Variants in GRAMD1C observed in about 807,000 individuals in gnomAD.
The protein encoded by GRAMD1C is GRAM domain containing 1C, also known as protein Aster-C.
GRAMD1C carries 89 observed loss-of-function variants against 97.8 expected under a neutral mutation model. The observed-to-expected ratio is 0.91, with a 90% CI of 0.77 to 1.09. The LOEUF (loss-of-function observed/expected upper bound fraction) is 1.09. Among genes scored for constraint, GRAMD1C ranks in the 50% least tolerant of loss-of-function variants. The pLI is 0.00. For missense variants in GRAMD1C, 740 were observed against 766.4 expected (o/e 0.97, Z 0.41); for synonymous variants, 256 against 267.0 (o/e 0.96, Z 0.40).
At chr3:113,855,491 G>T (rs1465540040) in intron 2 of GRAMD1C, among the ~76,000 whole-genome samples, 1 of 152,044 alleles carries the variant, frequency 6.6e-6, no homozygotes. Flanking sequence ...ATCCCTTGAG[G>T]CCAGGAGTTC....
rs140718475 is a variant in GRAMD1C, at chr3:113,933,741, C to T, written c.1352+88C>T. On this transcript the variant is annotated intron_variant, in intron 12 of 17. Transcript: ENST00000358160. Reference sequence around the variant, plus strand: ...CTGAATTCTTAGTAGTAGCTTTACACAACAGTTTTATTTCTTGCTTAAATT... The same window carrying T: ...CTGAATTCTTAGTAGTAGCTTTACATAACAGTTTTATTTCTTGCTTAAATT... 8.5e-4 allele frequency: 765 copies of T among 901,120 alleles called. 3 individuals carry two copies. The African/African-American group carries it at 0.011, about 14-fold the overall frequency. The allele number at this position is 901,120 out of a possible 1,614,324, so 55.8% of individuals were successfully genotyped here. A position where few individuals can be genotyped will look rare whatever the true frequency, so the allele number is the denominator to read the frequency against.
At chr3:113,924,717 G>T (rs1326273208) in intron 10 of GRAMD1C, among the ~76,000 whole-genome samples, 1 of 152,182 alleles carries the variant, frequency 6.6e-6, no homozygotes, top group African/African-American at 2.4e-5. Flanking sequence ...GTATGTGCCA[G>T]GTGCAAATGA....
chr3:113,863,793 C>G (rs949463593), intron 2 of GRAMD1C, among the ~76,000 whole-genome samples: 1 of 152,160 alleles, frequency 6.6e-6, no homozygotes, highest in African/African-American at 2.4e-5. Context: ...GCACTCTCCT[C>G]AGTGTTCTAC....
intron 2 of GRAMD1C, among the ~76,000 whole-genome samples, chr3:113,867,152 T>C (rs1559785173): frequency 6.6e-6 from 1 of 152,154 alleles, no homozygotes; most frequent in African/African-American, 2.4e-5. Context: ...TTTAAAGATA[T>C]TAAGAGAGAA....
At chr3:113,829,053 A>T (rs534325420) in intron 1 of GRAMD1C, among the ~76,000 whole-genome samples, 1 of 152,254 alleles carries the variant, frequency 6.6e-6, no homozygotes, top group African/African-American at 2.4e-5. Context: ...CTCCAGGGGC[A>T]ATCATTATTG....
chr3:113,915,786 C>T lies in GRAMD1C; in HGVS notation c.1038C>T (p.Leu346=), dbSNP rs749953251. 6.2e-6 allele frequency: 10 copies of T among 1,610,382 alleles called. No homozygotes were observed. The African/African-American group carries it at 1.2e-4, about 19-fold the overall frequency. The change falls in exon 10 of 18, where the codon CTC becomes CTT. Residue 346 remains leucine, a synonymous_variant. Transcript: ENST00000358160. ...HISADRMFEL[L]FTSSRFMQKF... ...GTGCTGACAGAATGTTTGAATTGCT[C>T]TTTACCAGTTCACGCTTTATGCAGA...
chr3:113,915,268 C>CG (rs1484893498), intron 9 of GRAMD1C, among the ~76,000 whole-genome samples: 1 of 152,108 alleles, frequency 6.6e-6, no homozygotes, highest in African/African-American at 2.4e-5. Context: ...ATATTATAGC[C>CG]ATTGATAAAT....
chr3:113,836,739 G>T (rs577155428), upstream of GRAMD1C, among the ~76,000 whole-genome samples: 7 of 151,978 alleles, frequency 4.6e-5, no homozygotes, highest in African/African-American at 1.7e-4. Context: ...CACTTTCCAG[G>T]TTCAAGCGAT....
chr3:113,866,833 G>A (rs1044430980), intron 2 of GRAMD1C, among the ~76,000 whole-genome samples: 1 of 124,856 alleles, frequency 8.0e-6, no homozygotes, highest in African/African-American at 3.0e-5. Flanking sequence ...AGACCCTTAT[G>A]TCTTTTTTTT....
At chr3:113,918,947 C>T (rs1936935021) in intron 10 of GRAMD1C, among the ~76,000 whole-genome samples, 1 of 152,190 alleles carries the variant, frequency 6.6e-6, no homozygotes, top group Non-Finnish European at 1.5e-5. Context: ...CCTCCCACGT[C>T]AGCCTCCCAA....
chr3:113,919,146 G>A (rs1936942444), intron 10 of GRAMD1C: 2 of 232,462 alleles, frequency 8.6e-6, no homozygotes, highest in Non-Finnish European at 1.7e-5. Flanking sequence ...GGGGTGCTGA[G>A]CAGAAGGAGC....
intron 2 of GRAMD1C, among the ~76,000 whole-genome samples, chr3:113,869,126 A>C (rs1934694416): frequency 6.6e-6 from 1 of 152,100 alleles, no homozygotes; most frequent in Non-Finnish European, 1.5e-5. Flanking sequence ...GTGAAGGAAG[A>C]AGGGTAATGG....
intron 9 of GRAMD1C, among the ~76,000 whole-genome samples, chr3:113,910,676 T>C (rs1353972589): frequency 6.6e-6 from 1 of 152,136 alleles, no homozygotes; most frequent in East Asian, 1.9e-4. Context: ...GGCCAAAATA[T>C]CACCTTTTAT....
chr3:113,848,495 T>C (rs1358820031), intron 2 of GRAMD1C, among the ~76,000 whole-genome samples: 1 of 10,132 alleles, frequency 9.9e-5, no homozygotes, highest in African/African-American at 1.2e-4. Context: ...GTTGTTGTAT[T>C]TGTTTTTTTT....
Position 113,930,951 on chromosome 3 carries a change from G to A in GRAMD1C, c.1209+119G>A, listed in dbSNP as rs528734542. 3.4e-5 allele frequency: 21 copies of A among 617,440 alleles called. No individual in the cohort carries two copies. The South Asian group carries it at 4.0e-4, about 12-fold the overall frequency. 38.2% of individuals were successfully genotyped at this position (617,440 alleles called of 1,614,324 possible). The stretch of plus-strand genomic sequence containing the variant: ...AAACAAGTGGCAAGAAAAAAGGGAG[G>A]AGAAACTGTTACAGGTTAAAAGAGA... On this transcript the variant is annotated intron_variant, in intron 11 of 17. Transcript: ENST00000358160.
At chr3:113,877,446 G>T (rs1299375970) in intron 5 of GRAMD1C, among the ~76,000 whole-genome samples, 1 of 152,138 alleles carries the variant, frequency 6.6e-6, no homozygotes, top group Non-Finnish European at 1.5e-5. Context: ...ATTACATTTA[G>T]TTATCATGCT....
In GRAMD1C at chr3:113,946,925, T is replaced by G. The variant is rs1938118238; in HGVS notation, c.*1447T>G. The G allele has an allele frequency of 6.6e-6, 1 of 152,228 alleles. No individual in the cohort carries two copies. The allele number at this position is 152,228 out of a possible 1,614,324, so 9.4% of individuals were successfully genotyped here. On this transcript the variant is annotated 3_prime_UTR_variant, in exon 18 of 18. Transcript: ENST00000358160. ...TTTGTTTTGGTAAGGATTTATGTAG[T>G]GTCTGGCTGTAAGCAAGAATGAGTG... is the stretch of plus-strand genomic sequence containing the variant.
chr3:113,913,752 T>C (rs1316021535), intron 9 of GRAMD1C, among the ~76,000 whole-genome samples: 2 of 152,202 alleles, frequency 1.3e-5, no homozygotes, highest in African/African-American at 4.8e-5. Context: ...TTCCAAAATC[T>C]TGGACTTGTC....
At chr3:113,930,144 T>C (rs1221593109) in intron 10 of GRAMD1C, among the ~76,000 whole-genome samples, 2 of 152,236 alleles carry the variant, frequency 1.3e-5, no homozygotes, top group Non-Finnish European at 2.9e-5. Context: ...AACATAGAGA[T>C]ATGATCTTAT....
Sources: gnomAD v4.1 joint callset for allele counts (sites outside exome capture counted in the v4.1 genomes callset) on GRCh38, gnomAD v4.1.1 for gene constraint, MANE v1.5 for transcripts, NCBI Gene and HGNC (gene_info 2026-07-23, HGNC 2026-07-21) for gene names.